MRTFB: variants seen among roughly 807,000 people sequenced by gnomAD.
MRTFB encodes the protein myocardin-related transcription factor B.
A neutral mutation model predicts 104.2 loss-of-function variants in MRTFB; 29 were observed. The observed-to-expected ratio is 0.28, with a 90% CI of 0.21 to 0.38. The LOEUF (loss-of-function observed/expected upper bound fraction) is 0.38, where lower values mean the gene tolerates loss of function less well. Among genes scored for constraint, MRTFB ranks in the 10% least tolerant of loss-of-function variants. The pLI is 1.00. For missense variants in MRTFB, 1,270 were observed against 1,341.6 expected (o/e 0.95, Z 0.83); for synonymous variants, 535 against 519.5 (o/e 1.03, Z -0.41).
the MRTFB span, among the ~76,000 whole-genome samples, chr16:14,047,625 A>G: frequency 6.6e-6 from 1 of 152,226 alleles, no homozygotes; most frequent in South Asian, 2.1e-4. Context: ...CATGTCTTAC[A>G]TGGCAGCAGG....
At chr16:14,074,496 A>G (rs58621680) in intron 1 of MRTFB, among the ~76,000 whole-genome samples, 8 of 152,022 alleles carry the variant, frequency 5.3e-5, no homozygotes, top group African/African-American at 1.7e-4. Flanking sequence ...TACTATGCAC[A>G]TATCTCTGAT....
intron 2 of MRTFB, among the ~76,000 whole-genome samples, chr16:14,108,041 C>T (rs935888274): frequency 6.6e-6 from 1 of 152,208 alleles, no homozygotes; most frequent in African/African-American, 2.4e-5. Context: ...GTCCAGGCCA[C>T]AGCAGTGGAC....
intron 1 of MRTFB, among the ~76,000 whole-genome samples, chr16:14,073,625 A>G (rs72783434): frequency 0.057 from 8,675 of 152,276 alleles, 500 homozygotes; most frequent in East Asian, 0.3. Context: ...GCTGTGTTTA[A>G]TGGAAATGTT....
At chr16:14,183,529 A>T (rs2039840276) in intron 3 of MRTFB, among the ~76,000 whole-genome samples, 1 of 152,074 alleles carries the variant, frequency 6.6e-6, no homozygotes, top group African/African-American at 2.4e-5. Context: ...TTTCTTATCA[A>T]TGTTAATTTG....
chr16:14,124,675 G>A (rs537692069), intron 2 of MRTFB, among the ~76,000 whole-genome samples: 1 of 152,264 alleles, frequency 6.6e-6, no homozygotes, highest in South Asian at 2.1e-4. Flanking sequence ...GTATTTTATC[G>A]AGGACTTTTG....
chr16:14,137,824 T>TA lies in MRTFB; in HGVS notation c.-63-2719dup, dbSNP rs2037798890. 2.0e-5 allele frequency among the ~76,000 whole-genome samples: 3 copies of TA among 152,070 alleles called. No homozygotes were observed. The South Asian group carries it at 6.2e-4, about 32-fold the overall frequency. ...TATGTCACTTATATGCATACATTTA[T>TA]AGACTTTTAAAAATTTATTCTGTCT... On this transcript the variant is annotated intron_variant, in intron 2 of 16. Transcript: ENST00000571589.
At chr16:13,996,766 A>T in the MRTFB span, among the ~76,000 whole-genome samples, 1 of 152,210 alleles carries the variant, frequency 6.6e-6, no homozygotes, top group East Asian at 1.9e-4. Flanking sequence ...ATGGATGAAG[A>T]CTAGGCATAC....
chr16:14,249,952 C>T (rs932167292), intron 13 of MRTFB, among the ~76,000 whole-genome samples: 24 of 152,188 alleles, frequency 1.6e-4, no homozygotes, highest in African/African-American at 4.8e-4. Context: ...TCAGAATCTC[C>T]TCTGCGAGAG....
chr16:14,067,469 C>A (rs374013333), upstream of MRTFB, among the ~76,000 whole-genome samples: 1 of 152,122 alleles, frequency 6.6e-6, no homozygotes, highest in Non-Finnish European at 1.5e-5. Flanking sequence ...GTGATCTGCA[C>A]GCCTTGGCCT....
intron 3 of MRTFB, among the ~76,000 whole-genome samples, chr16:14,202,045 T>A (rs2151116569): frequency 6.6e-6 from 1 of 151,958 alleles, no homozygotes; most frequent in East Asian, 1.9e-4. Flanking sequence ...TTTAATTGAA[T>A]AAGTGTCTTA....
the MRTFB span, among the ~76,000 whole-genome samples, chr16:14,033,548 A>G: frequency 6.6e-6 from 1 of 151,816 alleles, no homozygotes; most frequent in African/African-American, 2.4e-5. Context: ...TCAAAATAAT[A>G]ATAATAGACC....
At chr16:14,159,912 A>G in intron 3 of MRTFB, among the ~76,000 whole-genome samples, 1 of 139,496 alleles carries the variant, frequency 7.2e-6, no homozygotes, top group African/African-American at 2.8e-5. Flanking sequence ...CCTGGGCGAC[A>G]GAGCGAGACT....
Position 14,258,091 on chromosome 16 carries a change from T to C in MRTFB, c.2704-10T>C, listed in dbSNP as rs980277849. 1 of 1,612,968 alleles carries C rather than the reference T, an allele frequency of 6.2e-7. No individual in the cohort carries two copies. Among genetic ancestry groups the C allele is most frequent in the Non-Finnish European group, 8.5e-7 (1 of 1,179,006 alleles). On this transcript the variant is annotated splice_polypyrimidine_tract_variant and intron_variant, in intron 15 of 16. Transcript: ENST00000571589. ...GAAAGAAACCTAATTTGTACTCTCC[T>C]TCATTGTAGATTTCCAACGCTCACA...
At chr16:14,077,116 G>C (rs1410331362) in intron 1 of MRTFB, among the ~76,000 whole-genome samples, 1 of 152,100 alleles carries the variant, frequency 6.6e-6, no homozygotes, top group African/African-American at 2.4e-5. Context: ...CTTAAATATG[G>C]CTTTCTTTAC....
chr16:14,165,065 T>C (rs2142942790), intron 3 of MRTFB, among the ~76,000 whole-genome samples: 2 of 152,224 alleles, frequency 1.3e-5, no homozygotes, highest in Middle Eastern at 6.8e-3. Context: ...TGGTTGCTGC[T>C]GTCTTGGCTC....
At chr16:13,995,494 G>A in the MRTFB span, among the ~76,000 whole-genome samples, 1 of 152,160 alleles carries the variant, frequency 6.6e-6, no homozygotes, top group Admixed American at 6.5e-5. Flanking sequence ...TGGCCCCATT[G>A]ATTCTGAAGG....
At position 14,261,486 on chromosome 16, in the gene MRTFB, C is replaced by A. The variant is rs753406210; in HGVS notation, c.*42C>A. On this transcript the variant is annotated 3_prime_UTR_variant, in exon 17 of 17. Transcript: ENST00000571589. ...TCTGAGAGTTGATGAGGTTTAAGAACATGAAGATTCTAAAAGGTCAGTTTT... is the reference window on the plus strand; with the variant it reads ...TCTGAGAGTTGATGAGGTTTAAGAAAATGAAGATTCTAAAAGGTCAGTTTT... 12 of 1,518,272 alleles carry A rather than the reference C, an allele frequency of 7.9e-6. 1 individual carries two copies. In the South Asian group the frequency reaches 1.6e-4, roughly 20 times the overall value. The allele number at this position is 1,518,272 out of a possible 1,614,324, so 94.1% of individuals were successfully genotyped here. A position where few individuals can be genotyped will look rare whatever the true frequency, so the allele number is the denominator to read the frequency against.
chr16:14,014,543 G>A, the MRTFB span, among the ~76,000 whole-genome samples: 1 of 151,460 alleles, frequency 6.6e-6, no homozygotes, highest in Non-Finnish European at 1.5e-5. Flanking sequence ...GCAACATGGT[G>A]AGACTCTTGT....
chr16:14,075,176 G>A (rs1234664957), intron 1 of MRTFB, among the ~76,000 whole-genome samples: 1 of 152,230 alleles, frequency 6.6e-6, no homozygotes, highest in Admixed American at 6.5e-5. Context: ...GTTTATATGG[G>A]AAGCTAGTTC....
Sources: allele counts gnomAD v4.1 joint callset (sites outside exome capture counted in the v4.1 genomes callset), GRCh38; gene constraint gnomAD v4.1.1; transcripts MANE v1.5; gene names NCBI Gene and HGNC (gene_info 2026-07-23, HGNC 2026-07-21).